NAV1: variants seen among roughly 807,000 people sequenced by gnomAD.
NAV1 encodes the protein neuron navigator 1, also known as pore membrane and/or filament interacting like protein 3.
A neutral mutation model predicts 175.2 loss-of-function variants in NAV1; 18 were observed. The ratio of observed to expected loss-of-function variants is 0.10; its 90% CI spans 0.07 to 0.15. The LOEUF (loss-of-function observed/expected upper bound fraction) is 0.15, where lower values mean the gene tolerates loss of function less well. Among genes scored for constraint, NAV1 ranks in the 10% least tolerant of loss-of-function variants. The pLI is 1.00. For synonymous variants in NAV1, 897 were observed against 978.7 expected (o/e 0.92, Z 1.56); for missense variants, 1,731 against 2,436.6 (o/e 0.71, Z 6.10).
exon 5 of NAV1, chr1:201,781,270 C>G: frequency 6.2e-7 from 1 of 1,613,638 alleles, no homozygotes; most frequent in Non-Finnish European, 8.5e-7. Flanking sequence ...TGTAACTTCC[C>G]CCATCACTCA....
intron 15 of NAV1, among the ~76,000 whole-genome samples, chr1:201,798,962 A>T (rs1401990025): frequency 6.6e-6 from 1 of 151,972 alleles, no homozygotes. Context: ...TCAGCCTCCC[A>T]AAGTGTTGGG....
At chr1:201,598,628 G>T (rs559643618) in intron 2 of NAV1, among the ~76,000 whole-genome samples, 2 of 152,304 alleles carry the variant, frequency 1.3e-5, no homozygotes, top group Non-Finnish European at 2.9e-5. Context: ...GGAGCAGGGG[G>T]TGGAGCTGTG....
intron 15 of NAV1, among the ~76,000 whole-genome samples, chr1:201,800,096 C>T (rs943603443): frequency 2.0e-5 from 3 of 151,842 alleles, no homozygotes; most frequent in African/African-American, 7.3e-5. Flanking sequence ...ATCCCTGGGA[C>T]TCATATGATT....
intron 1 of NAV1, among the ~76,000 whole-genome samples, chr1:201,693,192 C>A (rs1408669688): frequency 6.6e-6 from 1 of 152,208 alleles, no homozygotes; most frequent in Non-Finnish European, 1.5e-5. Context: ...GCTAGGCATT[C>A]AAAGATAAAT....
upstream of NAV1, among the ~76,000 whole-genome samples, chr1:201,646,381 C>T (rs1668978787): frequency 6.6e-6 from 1 of 152,186 alleles, no homozygotes; most frequent in African/African-American, 2.4e-5. Flanking sequence ...GGAATATATA[C>T]ACCCATGTCC....
intron 2 of NAV1, among the ~76,000 whole-genome samples, chr1:201,633,697 G>A (rs1393593544): frequency 6.6e-6 from 1 of 152,250 alleles, no homozygotes; most frequent in Non-Finnish European, 1.5e-5. Context: ...ACACTGCTGT[G>A]TTCTTTGCCC....
intron 2 of NAV1, among the ~76,000 whole-genome samples, chr1:201,593,384 C>T (rs1667260938): frequency 6.6e-6 from 1 of 152,176 alleles, no homozygotes; most frequent in African/African-American, 2.4e-5. Flanking sequence ...TAAATTAAGA[C>T]ATTTGCTCTC....
intron 1 of NAV1, among the ~76,000 whole-genome samples, chr1:201,573,801 A>C (rs1666615662): frequency 6.7e-6 from 1 of 148,698 alleles, no homozygotes; most frequent in African/African-American, 2.6e-5. Context: ...TGTGTCCAAA[A>C]AATGCATTAC....
chr1:201,614,553 A>G (rs1311097047), intron 2 of NAV1, among the ~76,000 whole-genome samples: 2 of 152,196 alleles, frequency 1.3e-5, no homozygotes, highest in African/African-American at 4.8e-5. Flanking sequence ...TTAGGCTCTC[A>G]CCACCCTCTG....
intron 1 of NAV1, among the ~76,000 whole-genome samples, chr1:201,629,010 A>G (rs1668413547): frequency 6.6e-6 from 1 of 152,192 alleles, no homozygotes; most frequent in South Asian, 2.1e-4. Flanking sequence ...CCCTGTGTAT[A>G]TGTACATGGC....
intron 2 of NAV1, among the ~76,000 whole-genome samples, chr1:201,713,718 G>C (rs776939702): frequency 6.6e-6 from 1 of 152,192 alleles, no homozygotes; most frequent in South Asian, 2.1e-4. Flanking sequence ...CATGGGGGGT[G>C]TGGGGCAGGA....
At position 201,678,559 on chromosome 1, in the gene NAV1, A is replaced by G. The variant is rs148651824; in HGVS notation, c.757+29134A>G. Among the ~76,000 whole-genome samples the G allele has an allele frequency of 3.3e-5, 5 of 152,332 alleles. No homozygotes were observed. The East Asian group carries it at 7.7e-4, about 23-fold the overall frequency. The stretch of plus-strand genomic sequence containing the variant: ...AACCTGCACTCTTAACTCCTCTCCT[A>G]TAGTGAGTTTCCTAGTAACTTCAGC... On this transcript the variant is annotated intron_variant, in intron 1 of 29. Transcript: ENST00000367296.
At chr1:201,541,830 C>T (rs151310830) in intron 1 of NAV1, among the ~76,000 whole-genome samples, 85 of 152,242 alleles carry the variant, frequency 5.6e-4, no homozygotes, top group African/African-American at 2.0e-3. Flanking sequence ...CCTCCTGAGT[C>T]CCTGTGAACC....
intron 1 of NAV1, among the ~76,000 whole-genome samples, chr1:201,561,288 T>C (rs1264837233): frequency 6.6e-6 from 1 of 152,168 alleles, no homozygotes; most frequent in Non-Finnish European, 1.5e-5. Context: ...GTGAGAATGG[T>C]GATTTGCAAC....
chr1:201,670,303 C>G (rs962110764), intron 1 of NAV1, among the ~76,000 whole-genome samples: 3 of 145,508 alleles, frequency 2.1e-5, no homozygotes. Flanking sequence ...ATGGCGTGAA[C>G]CTGGGAGGCC....
At chr1:201,634,193 A>G (rs1398769276) in intron 2 of NAV1, among the ~76,000 whole-genome samples, 1 of 152,170 alleles carries the variant, frequency 6.6e-6, no homozygotes, top group African/African-American at 2.4e-5. Flanking sequence ...TGCTTTCCTC[A>G]TAGGGTTTTG....
At chr1:201,588,905 T>C (rs2102208970) in intron 2 of NAV1, among the ~76,000 whole-genome samples, 1 of 152,282 alleles carries the variant, frequency 6.6e-6, no homozygotes, top group South Asian at 2.1e-4. Flanking sequence ...TGGAGTGCAG[T>C]GGCATGATCT....
chr1:201,617,092 C>T (rs569617347), intron 2 of NAV1, among the ~76,000 whole-genome samples: 1 of 152,276 alleles, frequency 6.6e-6, no homozygotes, highest in South Asian at 2.1e-4. Context: ...CACTGAGGCC[C>T]TCCTCTTATT....
chr1:201,642,991 G>C (rs1439449505), intron 2 of NAV1, among the ~76,000 whole-genome samples: 1 of 150,828 alleles, frequency 6.6e-6, no homozygotes, highest in African/African-American at 2.5e-5. Flanking sequence ...AGCCAGGATG[G>C]TCTCAATCTC....
Sources: gnomAD v4.1 joint callset for allele counts (sites outside exome capture counted in the v4.1 genomes callset) on GRCh38, gnomAD v4.1.1 for gene constraint, MANE v1.5 for transcripts, NCBI Gene and HGNC (gene_info 2026-07-23, HGNC 2026-07-21) for gene names.